Variants in CACNA1S observed in about 807,000 individuals in gnomAD.
The protein encoded by CACNA1S is voltage-dependent L-type calcium channel subunit alpha-1S.
CACNA1S carries 126 observed loss-of-function variants against 207.4 expected under a neutral mutation model. The observed-to-expected ratio is 0.61, with a 90% CI of 0.53 to 0.70. The LOEUF (loss-of-function observed/expected upper bound fraction) is 0.70. Ranked by LOEUF, CACNA1S falls within the 30% of genes least tolerant of loss-of-function variation. The pLI is 0.00. For synonymous variants in CACNA1S, 960 were observed against 932.7 expected, an observed-to-expected ratio of 1.03 and a Z score of -0.53; for missense variants, 2,349 against 2,422.8, an observed-to-expected ratio of 0.97 and a Z score of 0.64.
chr1:201,046,174 A>T (rs548747689), intron 38 of CACNA1S, among the ~76,000 whole-genome samples: 46 of 120,496 alleles, frequency 3.8e-4, no homozygotes, highest in African/African-American at 5.4e-4. Context: ...TTATTTATTT[A>T]TTATTTATTT....
At chr1:201,076,119 C>G (rs1277157027) in intron 12 of CACNA1S, among the ~76,000 whole-genome samples, 6 of 152,208 alleles carry the variant, frequency 3.9e-5, no homozygotes, top group Non-Finnish European at 8.8e-5. Context: ...TATTGCTGCT[C>G]TCTATGGACA....
intron 2 of CACNA1S, among the ~76,000 whole-genome samples, chr1:201,109,632 A>G (rs1663025380): frequency 6.6e-6 from 1 of 152,200 alleles, no homozygotes; most frequent in Non-Finnish European, 1.5e-5. Context: ...CTGGCATTTT[A>G]TGGTTCCAGG....
chr1:201,077,863 C>A lies in CACNA1S; in HGVS notation c.1619+16G>T, dbSNP rs148454228. The A allele has an allele frequency of 1.3e-6, 2 of 1,595,594 alleles. No individual in the cohort carries two copies. Among genetic ancestry groups the A allele is most frequent in the East Asian group, 2.2e-5 (1 of 44,804 alleles). ...CTGCCGGGGACCCGGGAGTGCCAGC[C>A]GACCCCGGCACTCACTTGGTGATCT... is the stretch of plus-strand genomic sequence containing the variant. On this transcript the variant is annotated intron_variant, in intron 11 of 43. Coordinates refer to ENST00000362061, the MANE Select transcript of CACNA1S (RefSeq NM_000069.3).
At chr1:201,054,346 C>G (rs537903408) in intron 29 of CACNA1S, among the ~76,000 whole-genome samples, 159 bp downstream of exon 29, 1 of 152,204 alleles carries the variant, frequency 6.6e-6, no homozygotes, top group Non-Finnish European at 1.5e-5. Flanking sequence ...CCTCTGCCCC[C>G]ACCCGAGCCT....
chr1:201,110,686 T>C (rs531453536), intron 1 of CACNA1S, among the ~76,000 whole-genome samples: 1 of 151,882 alleles, frequency 6.6e-6, no homozygotes, highest in African/African-American at 2.4e-5. Flanking sequence ...CATGGGAGGG[T>C]AAGGGTTGAT....
At chr1:201,076,793 A>G (rs1661637174) in intron 12 of CACNA1S, 127 bp downstream of exon 12, 1 of 863,904 alleles carries the variant, frequency 1.2e-6, no homozygotes, top group Admixed American at 1.7e-5. Context: ...CCAGAGAAGG[A>G]CATTGCACTC....
chr1:201,066,818 C>A lies in CACNA1S; in HGVS notation c.2657+69G>T. 1 of 1,178,436 alleles carries A rather than the reference C, an allele frequency of 8.5e-7. No homozygotes were observed. Among genetic ancestry groups the A allele is most frequent in the Admixed American group, 1.9e-5 (1 of 52,764 alleles). The allele number at this position is 1,178,436 out of a possible 1,614,324, so 73.0% of individuals were successfully genotyped here. A position where few individuals can be genotyped will look rare whatever the true frequency, so the allele number is the denominator to read the frequency against. On this transcript the variant is annotated intron_variant, in intron 20 of 43. Transcript: ENST00000362061. The surrounding 1 kb of genome is among the most constrained non-coding windows in gnomAD (Gnocchi z 4.3). The stretch of plus-strand genomic sequence containing the variant: ...GGGGCCCACCAACATGGGTGGGACT[C>A]CCACTACAAAGCCCTGGCACAGAGC...
chr1:201,043,980 G>C (rs1660386671), intron 39 of CACNA1S, among the ~76,000 whole-genome samples: 1 of 152,158 alleles, frequency 6.6e-6, no homozygotes, highest in African/African-American at 2.4e-5. Context: ...AGAAACATGA[G>C]ACAGAGCTAA....
chr1:201,049,271 T>A (rs1215158485), intron 34 of CACNA1S, among the ~76,000 whole-genome samples, 172 bp from the exon 35 acceptor site: 1 of 152,240 alleles, frequency 6.6e-6, no homozygotes, highest in Non-Finnish European at 1.5e-5. Context: ...GAAGAGACAA[T>A]GTTAGGATTA....
At position 201,048,984 on chromosome 1, in the gene CACNA1S, C is replaced by A. The variant is rs1449295387; in HGVS notation, c.4338+19G>T. ...TCTTCCCCTCCCTGGGGCCACCCAT[C>A]CCTGGCAGCTCTGGTTACCTTACAA... is the stretch of plus-strand genomic sequence containing the variant. On this transcript the variant is annotated intron_variant, in intron 35 of 43. Coordinates refer to ENST00000362061, the MANE Select transcript of CACNA1S (RefSeq NM_000069.3). 3 of 1,598,812 alleles carry A rather than the reference C, an allele frequency of 1.9e-6. No individual in the cohort carries two copies. The highest frequency in any genetic ancestry group is 2.6e-6 in the Non-Finnish European group (3 of 1,166,732).
intron 36 of CACNA1S, among the ~76,000 whole-genome samples, chr1:201,048,273 C>T (rs765497067): frequency 6.6e-6 from 1 of 152,250 alleles, no homozygotes; most frequent in African/African-American, 2.4e-5. Flanking sequence ...AGAACCTCCT[C>T]TGCTCCTGCT....
At position 201,112,262 on chromosome 1, in the gene CACNA1S, C is replaced by A; in HGVS notation, c.78G>T (p.Arg26Ser). ...PKKPVPEILP[R>S]PPRALFCLTL... ...TCAGGCAGAACAAGGCCCGGGGTGG[C>A]CTTGGCAGAATCTCAGGAACTGGCT... The change falls in exon 1 of 44, where the codon AGG (arginine) becomes AGT (serine). Residue 26 changes from arginine (R) to serine (S), a missense_variant. Transcript: ENST00000362061. 1 of 1,613,972 alleles carries A rather than the reference C, an allele frequency of 6.2e-7. No individual in the cohort carries two copies. Among genetic ancestry groups the A allele is most frequent in the Non-Finnish European group, 8.5e-7 (1 of 1,179,986 alleles).
At chr1:201,067,171 C>T (rs775105417) in intron 19 of CACNA1S, among the ~76,000 whole-genome samples, 178 bp from the exon 20 acceptor site, 42 of 152,208 alleles carry the variant, frequency 2.8e-4, no homozygotes, top group African/African-American at 1.0e-3. Flanking sequence ...TATCTCTGCT[C>T]GCAGTTGTTG....
chr1:201,090,176 G>A (rs952797498), intron 5 of CACNA1S, among the ~76,000 whole-genome samples: 2 of 152,182 alleles, frequency 1.3e-5, no homozygotes, highest in Admixed American at 6.5e-5. Flanking sequence ...AAGATGGAAA[G>A]GAGAGGACAT....
chr1:201,064,287 T>C (rs1192819478), intron 22 of CACNA1S, among the ~76,000 whole-genome samples: 3 of 152,092 alleles, frequency 2.0e-5, no homozygotes, highest in Admixed American at 6.5e-5. Context: ...TGGACAGCCC[T>C]CAGTTGGGCC....
intron 1 of CACNA1S, 109 bp from the exon 2 acceptor site, chr1:201,110,378 T>C (rs992102948): frequency 1.1e-6 from 1 of 948,612 alleles, no homozygotes; most frequent in Admixed American, 1.9e-5. Context: ...GCCAGGCTGC[T>C]GGACAGGCTC....
At chr1:201,061,729 C>T (rs908318710) in intron 24 of CACNA1S, among the ~76,000 whole-genome samples, 1 of 152,222 alleles carries the variant, frequency 6.6e-6, no homozygotes, top group Admixed American at 6.5e-5. Context: ...AGGCATACAC[C>T]TATGGGGGAC....
At chr1:201,060,216 C>T (rs75365575) in intron 26 of CACNA1S, among the ~76,000 whole-genome samples, 353 of 152,260 alleles carry the variant, frequency 2.3e-3, no homozygotes, top group Non-Finnish European at 3.8e-3. Context: ...GGCTTGATAA[C>T]GATGCTGCTA....
chr1:201,067,442 C>CCAT (rs1451535404), intron 19 of CACNA1S, among the ~76,000 whole-genome samples: 6 of 152,206 alleles, frequency 3.9e-5, no homozygotes, highest in Admixed American at 2.0e-4. Context: ...CACCTCCTTC[C>CCAT]CATCACCTGC....
Sources: gnomAD v4.1 joint callset for allele counts (sites outside exome capture counted in the v4.1 genomes callset) on GRCh38, gnomAD v4.1.1 for gene constraint, Gnocchi (gnomAD v3.1) non-coding constraint, MANE v1.5 for transcripts, NCBI Gene and HGNC (gene_info 2026-07-23, HGNC 2026-07-21) for gene names.